PCDHGA3: variants seen among roughly 807,000 people sequenced by gnomAD.
PCDHGA3 encodes protocadherin gamma-A3.
In PCDHGA3, 40 loss-of-function variants were observed where a neutral mutation model predicts 58.5. The ratio of observed to expected loss-of-function variants is 0.68; its 90% CI spans 0.53 to 0.89. PCDHGA3 has a LOEUF of 0.89. Ranked by LOEUF, PCDHGA3 falls within the 40% of genes least tolerant of loss-of-function variation. PCDHGA3 has a pLI of 0.00. For missense variants in PCDHGA3, 1,223 were observed against 1,195.9 expected (o/e 1.02, Z -0.33); for synonymous variants, 530 against 525.7 (o/e 1.01, Z -0.11).
chr5:141,366,378 A>T, intron 1 of PCDHGA3: 1 of 1,613,986 alleles, frequency 6.2e-7, no homozygotes, highest in Middle Eastern at 1.6e-4. Context: ...ACCCCCATTG[A>T]CCCTGAGGAT....
intron 1 of PCDHGA3, among the ~76,000 whole-genome samples, chr5:141,449,131 G>A (rs530494400): frequency 7.9e-5 from 12 of 152,220 alleles, no homozygotes; most frequent in Non-Finnish European, 1.3e-4. Flanking sequence ...CCCAGAAATG[G>A]AATTGAAATT....
intron 1 of PCDHGA3, chr5:141,361,481 C>T (rs1561523775): frequency 6.2e-7 from 1 of 1,614,042 alleles, no homozygotes; most frequent in Non-Finnish European, 8.5e-7. Context: ...AACGATAATG[C>T]CCCAGTTTTC....
chr5:141,494,491 T>C (rs2099754727), intron 1 of PCDHGA3, among the ~76,000 whole-genome samples: 1 of 152,150 alleles, frequency 6.6e-6, no homozygotes, highest in Admixed American at 6.5e-5. Context: ...AGAAGATGCC[T>C]TCAGTCCTTG....
chr5:141,422,626 C>A, intron 1 of PCDHGA3: 2 of 1,613,334 alleles, frequency 1.2e-6, no homozygotes, highest in Non-Finnish European at 1.7e-6. Flanking sequence ...CGAAAACAAC[C>A]CCAGGGGTGC....
chr5:141,349,176 T>A (rs1758245456), intron 1 of PCDHGA3, among the ~76,000 whole-genome samples: 1 of 152,156 alleles, frequency 6.6e-6, no homozygotes, highest in Non-Finnish European at 1.5e-5. Flanking sequence ...GTTAAGTGAT[T>A]CTGCTGCCTC....
intron 1 of PCDHGA3, chr5:141,360,615 A>T: frequency 6.2e-7 from 1 of 1,614,042 alleles, no homozygotes; most frequent in Non-Finnish European, 8.5e-7. Flanking sequence ...CCCTGGATTC[A>T]GATGTTGGTC....
rs746848714 is a variant in PCDHGA3, at chr5:141,357,268, A to G, written c.2424+10811A>G. 1.9e-6 allele frequency: 3 copies of G among 1,613,280 alleles called. No homozygotes were observed. The South Asian group carries it at 3.3e-5, about 18-fold the overall frequency. On this transcript the variant is annotated intron_variant, in intron 1 of 3. Transcript: ENST00000253812. ...AGCAGACCCAGACGACTCGGGCCTCACACTCTATCTCGTGGTGGCAGTGGC... is the reference window on the plus strand; with the variant it reads ...AGCAGACCCAGACGACTCGGGCCTCGCACTCTATCTCGTGGTGGCAGTGGC...
chr5:141,403,248 G>A lies in PCDHGA3; in HGVS notation c.2424+56791G>A, dbSNP rs778873368. 3.1e-6 allele frequency: 5 copies of A among 1,613,928 alleles called. No homozygotes were observed. The Admixed American group carries it at 6.7e-5, about 22-fold the overall frequency. On this transcript the variant is annotated intron_variant, in intron 1 of 3. Transcript: ENST00000253812. ...GACCGGGAGGAGCTCTGTGCTCAGA[G>A]CCCGCGGTGTCTGGTGAACTTTAAA...
chr5:141,414,437 C>T (rs1422750138), intron 1 of PCDHGA3: 1 of 1,613,856 alleles, frequency 6.2e-7, no homozygotes, highest in Non-Finnish European at 8.5e-7. Flanking sequence ...CAGGTATCCT[C>T]TTACAATATC....
intron 1 of PCDHGA3, chr5:141,400,280 CCG>C (rs769084717): frequency 1.2e-5 from 19 of 1,613,948 alleles, no homozygotes; most frequent in Non-Finnish European, 1.4e-5. Context: ...TCCAGCCCTG[CCG>C]CCTGGAGCTG....
chr5:141,405,353 A>G lies in PCDHGA3; in HGVS notation c.2424+58896A>G, dbSNP rs187461819. 6.9e-5 allele frequency: 112 copies of G among 1,614,026 alleles called. No homozygotes were observed. Among genetic ancestry groups the G allele is most frequent in the Admixed American group, 5.8e-4 (35 of 60,010 alleles). On this transcript the variant is annotated intron_variant, in intron 1 of 3. Coordinates refer to ENST00000253812, the MANE Select transcript of PCDHGA3 (RefSeq NM_018916.4). Reference sequence around the variant, plus strand: ...CGTCTCTGTTGATTCCAAGTTTCCTATAGAAGACACCCCTTTGGTTCCGGT... The same window carrying G: ...CGTCTCTGTTGATTCCAAGTTTCCTGTAGAAGACACCCCTTTGGTTCCGGT...
chr5:141,501,508 C>A (rs1378333182), intron 2 of PCDHGA3, among the ~76,000 whole-genome samples: 1 of 151,960 alleles, frequency 6.6e-6, no homozygotes, highest in Non-Finnish European at 1.5e-5. Flanking sequence ...GGCTCCAAGG[C>A]CTCCAAGCTG....
chr5:141,433,571 C>T lies in PCDHGA3; in HGVS notation c.2425-61236C>T, dbSNP rs2097625242. ...TCTTTTCTGGCTGGGCGCGGTGGCT[C>T]ACGCCTGTAATCCCAGTACTTTGGG... On this transcript the variant is annotated intron_variant, in intron 1 of 3. Coordinates refer to ENST00000253812, the MANE Select transcript of PCDHGA3 (RefSeq NM_018916.4). 3.9e-5 allele frequency among the ~76,000 whole-genome samples: 6 copies of T among 152,228 alleles called. No homozygotes were observed. The South Asian group carries it at 1.2e-3, about 32-fold the overall frequency.
At chr5:141,366,386 G>A (rs1368197545) in intron 1 of PCDHGA3, 4 of 1,614,164 alleles carry the variant, frequency 2.5e-6, no homozygotes, top group Non-Finnish European at 3.4e-6. Context: ...TGACCCTGAG[G>A]ATCTGGACCT....
At chr5:141,409,632 C>G (rs1279542488) in intron 1 of PCDHGA3, 1 of 1,613,848 alleles carries the variant, frequency 6.2e-7, no homozygotes, top group East Asian at 2.2e-5. Context: ...GTGAGCGCCT[C>G]TGACCCGGAT....
chr5:141,396,695 T>G (rs920549434), intron 1 of PCDHGA3: 1 of 152,226 alleles, frequency 6.6e-6, no homozygotes, highest in Non-Finnish European at 1.5e-5. Context: ...CATACCTTCT[T>G]GTAGCATTTG....
At chr5:141,407,238 T>C (rs538322072) in intron 1 of PCDHGA3, among the ~76,000 whole-genome samples, 1 of 152,338 alleles carries the variant, frequency 6.6e-6, no homozygotes, top group East Asian at 1.9e-4. Context: ...AAATAAAGCA[T>C]ACTTCAGGCT....
At chr5:141,371,129 C>T (rs779236316) in intron 1 of PCDHGA3, 2 of 1,614,012 alleles carry the variant, frequency 1.2e-6, no homozygotes, top group East Asian at 2.2e-5. Context: ...TTACTCAGGA[C>T]ATGTACAGGG....
In PCDHGA3 at chr5:141,375,370, A is replaced by T. The variant is rs772477616; in HGVS notation, c.2424+28913A>T. ...CTGTGACAGCCACGGACAAAGGAAC[A>T]CCACCTCTGTCTACAGAAACAATCA... On this transcript the variant is annotated intron_variant, in intron 1 of 3. Transcript: ENST00000253812. The T allele has an allele frequency of 2.5e-6, 4 of 1,613,890 alleles. No individual in the cohort carries two copies. In the South Asian group the frequency reaches 4.4e-5, roughly 18 times the overall value.
Sources: gnomAD v4.1 joint callset for allele counts (sites outside exome capture counted in the v4.1 genomes callset) on GRCh38, gnomAD v4.1.1 for gene constraint, MANE v1.5 for transcripts, NCBI Gene and HGNC (gene_info 2026-07-23, HGNC 2026-07-21) for gene names.